Variants in ZC4H2 observed in about 807,000 individuals in gnomAD.
The protein encoded by ZC4H2 is zinc finger C4H2 domain-containing protein.
For synonymous variants in ZC4H2, 84 were observed against 66.3 expected (o/e 1.27, Z -1.30); for missense variants, 137 against 173.9 (o/e 0.79, Z 1.19).
At chrX:64,997,318 A>G (rs1932435831) in intron 1 of ZC4H2, among the ~76,000 whole-genome samples, 1 of 112,331 alleles carries the variant, frequency 8.9e-6, no homozygotes, top group Non-Finnish European at 1.9e-5. Context: ...ATTCATTAAC[A>G]CTGGACCACC....
chrX:65,026,382 T>C (rs1932878807), intron 1 of ZC4H2, among the ~76,000 whole-genome samples: 1 of 111,865 alleles, frequency 8.9e-6, no homozygotes, highest in Non-Finnish European at 1.9e-5. Flanking sequence ...AGAATGTTTG[T>C]ACAGCTATTC....
At chrX:65,019,618 C>T (rs922466728) in intron 1 of ZC4H2, among the ~76,000 whole-genome samples, 3 of 111,994 alleles carry the variant, frequency 2.7e-5, no homozygotes, top group Non-Finnish European at 5.6e-5. Flanking sequence ...AAAATCAGAA[C>T]GCCTCTTCTC....
At chrX:64,991,446 C>G (rs749935030) in intron 1 of ZC4H2, among the ~76,000 whole-genome samples, 1 of 111,366 alleles carries the variant, frequency 9.0e-6, no homozygotes, top group Admixed American at 9.5e-5. Context: ...TGCAGTGGTG[C>G]GAGCCTGTAA....
At chrX:64,941,754 T>C (rs1394675516) in intron 1 of ZC4H2, among the ~76,000 whole-genome samples, 1 of 112,228 alleles carries the variant, frequency 8.9e-6, no homozygotes, top group Non-Finnish European at 1.9e-5. Flanking sequence ...AACCTGATCA[T>C]GGTGAATGAG....
intron 1 of ZC4H2, among the ~76,000 whole-genome samples, chrX:64,937,385 G>C (rs1930064133): frequency 9.0e-6 from 1 of 111,170 alleles, no homozygotes; most frequent in African/African-American, 3.3e-5. Context: ...CAACGAAAAA[G>C]AGAATTAACA....
chrX:64,940,546 C>A (rs1930232683), intron 1 of ZC4H2, among the ~76,000 whole-genome samples: 1 of 111,766 alleles, frequency 8.9e-6, no homozygotes, highest in Non-Finnish European at 1.9e-5. Context: ...ACATTTAAGT[C>A]TTTAATTCAT....
chrX:64,921,687 G>A lies in ZC4H2; in HGVS notation c.225+130C>T, dbSNP rs1354163582. On this transcript the variant is annotated intron_variant, in intron 2 of 4. Coordinates refer to ENST00000374839, the MANE Select transcript of ZC4H2 (RefSeq NM_018684.4). ...GATCTCAGAACTCCTGAATTCTTCT[G>A]CTCTACCACAGCCTGCACTGATGCC... 5 of 704,683 alleles carry A rather than the reference G, an allele frequency of 7.1e-6. No homozygotes were observed. The African/African-American group carries it at 1.1e-4, about 16-fold the overall frequency. 58.1% of individuals were successfully genotyped at this position (704,683 alleles called of 1,213,427 possible).
intron 1 of ZC4H2, among the ~76,000 whole-genome samples, chrX:64,956,301 G>A (rs755511117): frequency 9.0e-6 from 1 of 111,265 alleles, no homozygotes; most frequent in East Asian, 2.8e-4. Context: ...AATTTTAAGT[G>A]GTTTGATTTA....
intron 1 of ZC4H2, among the ~76,000 whole-genome samples, chrX:64,929,505 G>A (rs901429984): frequency 1.8e-5 from 2 of 111,590 alleles, no homozygotes; most frequent in Non-Finnish European, 3.8e-5. Flanking sequence ...TCAGTTCTTA[G>A]ATTTAAGTAT....
rs766872373 is a variant in ZC4H2, at chrX:65,029,527, T to C, written c.-272+5102A>G. 3.6e-5 allele frequency among the ~76,000 whole-genome samples: 4 copies of C among 111,479 alleles called. No individual in the cohort carries two copies. The Admixed American group carries it at 3.8e-4, about 11-fold the overall frequency. On this transcript the variant is annotated intron_variant, in intron 1 of 4. Coordinates refer to the ZC4H2 transcript ENST00000337990. ...GGCTCCAGGATCACAGGAGAGTATGTCTTTTAAGAATGGAAGAGTCTTGAG... is the reference window on the plus strand; with the variant it reads ...GGCTCCAGGATCACAGGAGAGTATGCCTTTTAAGAATGGAAGAGTCTTGAG...
intron 1 of ZC4H2, among the ~76,000 whole-genome samples, chrX:64,951,190 T>C (rs1930807380): frequency 8.9e-6 from 1 of 112,622 alleles, no homozygotes; most frequent in African/African-American, 3.2e-5. Context: ...CCACATTTTC[T>C]TAATCCAGTC....
chrX:65,004,131 C>T (rs1932609163), intron 1 of ZC4H2, among the ~76,000 whole-genome samples: 1 of 111,684 alleles, frequency 9.0e-6, no homozygotes, highest in Admixed American at 9.5e-5. Flanking sequence ...GATGGATTCA[C>T]AGCCTAATTC....
At chrX:64,978,494 C>T (rs906415412), upstream of ZC4H2, among the ~76,000 whole-genome samples, 12 of 111,764 alleles carry the variant, frequency 1.1e-4, 1 homozygote, top group Non-Finnish European at 2.1e-4. Context: ...AGGTAAGCAA[C>T]AAGCCTGCGT....
chrX:65,005,028 T>A (rs917926105), intron 1 of ZC4H2, among the ~76,000 whole-genome samples: 1 of 111,409 alleles, frequency 9.0e-6, no homozygotes, highest in African/African-American at 3.3e-5. Context: ...TTCAAAGGGA[T>A]GTGAAGGACC....
chrX:65,001,455 G>A (rs1356718333), intron 1 of ZC4H2, among the ~76,000 whole-genome samples: 1 of 111,743 alleles, frequency 8.9e-6, no homozygotes, highest in Non-Finnish European at 1.9e-5. Context: ...CACTAAACAT[G>A]GAAAGGAAAA....
At chrX:65,009,305 C>G (rs1194329307) in intron 1 of ZC4H2, among the ~76,000 whole-genome samples, 1 of 110,764 alleles carries the variant, frequency 9.0e-6, no homozygotes, top group Non-Finnish European at 1.9e-5. Flanking sequence ...TGTGCTAAGA[C>G]CTGAAATTGA....
At chrX:64,918,196 T>C (rs150769706) in intron 4 of ZC4H2, 266 of 187,035 alleles carry the variant, frequency 1.4e-3, no homozygotes, top group Middle Eastern at 6.0e-3. Context: ...TTAAGGACTA[T>C]TTAATTTTCT....
intron 1 of ZC4H2, among the ~76,000 whole-genome samples, chrX:65,034,086 C>CAA (rs768065058): frequency 2.0e-3 from 92 of 45,172 alleles, no homozygotes; most frequent in South Asian, 2.9e-3. Context: ...AAGACTTTGT[C>CAA]AAAAAAAAAA....
intron 1 of ZC4H2, among the ~76,000 whole-genome samples, chrX:65,024,084 C>T (rs1047510413): frequency 9.1e-6 from 1 of 109,431 alleles, no homozygotes; most frequent in Non-Finnish European, 1.9e-5. Context: ...GTGAGGGAAA[C>T]AGTACACACC....
Sources: allele counts gnomAD v4.1 joint callset (sites outside exome capture counted in the v4.1 genomes callset), GRCh38; gene constraint gnomAD v4.1.1; transcripts MANE v1.5; gene names NCBI Gene and HGNC (gene_info 2026-07-23, HGNC 2026-07-21).